The following FSBP variants were observed in gnomAD, a reference collection of about 807,000 sequenced individuals.
FSBP encodes the protein fibrinogen silencer-binding protein.
Under a neutral mutation model 24.6 loss-of-function variants are expected in FSBP, and 18 were observed. The observed-to-expected ratio is 0.73, with a 90% CI of 0.51 to 1.08. The LOEUF is 1.08. FSBP is among the 50% of genes least tolerant of loss of function. The pLI is 0.00. For missense variants in FSBP, 305 were observed against 347.6 expected (o/e 0.88, Z 0.98); for synonymous variants, 110 against 125.8 (o/e 0.87, Z 0.84).
At chr8:94,432,729 A>G (rs1196735081) in intron 1 of FSBP, 73 bp from the exon 2 acceptor site, 2 of 1,378,926 alleles carry the variant, frequency 1.5e-6, no homozygotes, top group African/African-American at 2.9e-5. Flanking sequence ...GCATAATTTT[A>G]ATTTAATGTA....
Position 94,432,213 on chromosome 8 carries a change from T to C in FSBP, c.818A>G (p.Glu273Gly). Residue 273 changes from glutamate to glycine, a missense_variant, in exon 2 of 2, where the codon GAG becomes GGG. Glu to Gly is a moderately conservative substitution (Grantham distance 98, BLOSUM62 -2). Coordinates refer to ENST00000481490, the MANE Select transcript of FSBP (RefSeq NM_001256141.2). The part of the protein sequence containing the change: ...GLKRRQQLEE[E>G]LLRAKIEVEK... ...CACTTCAATTTTTGCTCTTAGTAGC[T>C]CTTCCTCTAGCTGCTGCCTTCTTTT... The C allele has an allele frequency of 6.4e-7, 1 of 1,550,412 alleles. No individual in the cohort carries two copies. Among genetic ancestry groups the C allele is most frequent in the Non-Finnish European group, 8.7e-7 (1 of 1,146,896 alleles).
Position 94,431,081 on chromosome 8 carries a change from G to A in FSBP, c.*1050C>T. The stretch of plus-strand genomic sequence containing the variant: ...AAAATCCCTTCTCAACAAAACCCCA[G>A]CAAAAATAGAAATTCTTAAGTAACA... On this transcript the variant is annotated 3_prime_UTR_variant, in exon 2 of 2. Transcript: ENST00000481490. 1 of 984,748 alleles carries A rather than the reference G, an allele frequency of 1.0e-6. No homozygotes were observed. The highest frequency in any genetic ancestry group is 1.2e-6 in the Non-Finnish European group (1 of 829,640). The allele number at this position is 984,748 out of a possible 1,614,324, so 61.0% of individuals were successfully genotyped here. A position where few individuals can be genotyped will look rare whatever the true frequency, so the allele number is the denominator to read the frequency against.
At position 94,432,391 on chromosome 8, in the gene FSBP, C is replaced by G. The variant is rs1812125136; in HGVS notation, c.640G>C (p.Asp214His). ...TSSPSSIPRRDDFFRHESGEH... is the reference protein window; with the variant it reads ...TSSPSSIPRRHDFFRHESGEH... ...CCACTCTCATGCCGAAAAAAATCATCTCTCCTTGGAATAGAAGATGGAGAC... is the reference window on the plus strand; with the variant it reads ...CCACTCTCATGCCGAAAAAAATCATGTCTCCTTGGAATAGAAGATGGAGAC... Residue 214 changes from aspartate (D) to histidine (H), a missense_variant, in exon 2 of 2, where the codon GAT (aspartate) becomes CAT (histidine). By Grantham distance (81) the Asp-to-His change is moderately conservative. Transcript: ENST00000481490. 6.5e-7 allele frequency: 1 copy of G among 1,550,286 alleles called. No individual in the cohort carries two copies. The highest frequency in any genetic ancestry group is 1.4e-5 in the African/African-American group (1 of 73,038).
rs967149591 is a variant in FSBP at position 94,436,433 on chromosome 8, A to T, written c.374+62T>A. On this transcript the variant is annotated intron_variant, in intron 1 of 1. Coordinates refer to ENST00000481490, the MANE Select transcript of FSBP (RefSeq NM_001256141.2). ...ACTATGCATATCTCTATCACGACTA[A>T]GCCAAAGCCCAATAGATAGGAGGCG... is the stretch of plus-strand genomic sequence containing the variant. 4.1e-6 allele frequency: 6 copies of T among 1,462,956 alleles called. No individual in the cohort carries two copies. In the African/African-American group the frequency reaches 5.7e-5, roughly 14 times the overall value. 90.6% of individuals were successfully genotyped at this position (1,462,956 alleles called of 1,614,324 possible).
intron 1 of FSBP, 45 bp downstream of exon 1, chr8:94,436,450 T>G: frequency 6.7e-7 from 1 of 1,484,706 alleles, no homozygotes; most frequent in East Asian, 2.5e-5. Flanking sequence ...GCCCAATAGA[T>G]AGGAGGCGCC....
At chr8:94,434,009 T>A (rs1812192554) in intron 1 of FSBP, among the ~76,000 whole-genome samples, 1 of 151,820 alleles carries the variant, frequency 6.6e-6, no homozygotes. Flanking sequence ...ATAAAAAATC[T>A]ATTTGTAGGT....
chr8:94,433,253 T>C (rs1235160640), intron 1 of FSBP, among the ~76,000 whole-genome samples: 1 of 152,128 alleles, frequency 6.6e-6, no homozygotes, highest in Non-Finnish European at 1.5e-5. Flanking sequence ...TTTCAGATGC[T>C]TTTATCTGAT....
Position 94,431,194 on chromosome 8 carries a change from T to C in FSBP, c.*937A>G, listed in dbSNP as rs968589539. The C allele has an allele frequency of 1.4e-5, 13 of 923,876 alleles. No homozygotes were observed. The highest frequency in any genetic ancestry group is 1.7e-5 in the Non-Finnish European group (13 of 774,132). 57.2% of individuals were successfully genotyped at this position (923,876 alleles called of 1,614,324 possible). A position where few individuals can be genotyped will look rare whatever the true frequency, so the allele number is the denominator to read the frequency against. On this transcript the variant is annotated 3_prime_UTR_variant, in exon 2 of 2. Coordinates refer to ENST00000481490, the MANE Select transcript of FSBP (RefSeq NM_001256141.2). ...ATGAATACTAAAATAACAATACTTA[T>C]AAAATACATAAAATTTTAATTTTGT...
rs765408486 is a variant in FSBP, at chr8:94,430,219, G to C, written c.*1912C>G. The C allele has an allele frequency of 2.9e-6, 2 of 701,332 alleles. No individual in the cohort carries two copies. Among genetic ancestry groups the C allele is most frequent in the Non-Finnish European group, 3.5e-6 (2 of 571,696 alleles). 43.4% of individuals were successfully genotyped at this position (701,332 alleles called of 1,614,324 possible). ...CCAGCTACTTGGGAAGCTGAAGCAG[G>C]AGAATCGCTTGAACCCAGGAAACGG... On this transcript the variant is annotated 3_prime_UTR_variant, in exon 2 of 2. Transcript: ENST00000481490.
chr8:94,429,593 A>T lies in FSBP; in HGVS notation c.*2538T>A. Reference sequence around the variant, plus strand: ...TCAATAATTTCAAAAAATAAAGCTTACTACTGCCAAGATGTGTTTACTAGA... The same window carrying T: ...TCAATAATTTCAAAAAATAAAGCTTTCTACTGCCAAGATGTGTTTACTAGA... On this transcript the variant is annotated 3_prime_UTR_variant, in exon 2 of 2. Coordinates refer to ENST00000481490, the MANE Select transcript of FSBP (RefSeq NM_001256141.2). 1 of 983,154 alleles carries T rather than the reference A, an allele frequency of 1.0e-6. No individual in the cohort carries two copies. Among genetic ancestry groups the T allele is most frequent in the Non-Finnish European group, 1.2e-6 (1 of 827,854 alleles). The allele number at this position is 983,154 out of a possible 1,614,324, so 60.9% of individuals were successfully genotyped here.
Position 94,432,197 on chromosome 8 carries a change from T to A in FSBP, c.834A>T (p.Lys278Asn). 1 of 1,550,326 alleles carries A rather than the reference T, an allele frequency of 6.5e-7. No homozygotes were observed. Among genetic ancestry groups the A allele is most frequent in the Non-Finnish European group, 8.7e-7 (1 of 1,146,866 alleles). Residue 278 changes from lysine (K) to asparagine (N), a missense_variant, in exon 2 of 2, where the codon AAA becomes AAT. By Grantham distance (94) the Lys-to-Asn change is moderately conservative (BLOSUM62 0). Transcript: ENST00000481490. Reference sequence around the variant, plus strand: ...TTGCTTTCAGCTTCTCCACTTCAATTTTTGCTCTTAGTAGCTCTTCCTCTA... The same window carrying A: ...TTGCTTTCAGCTTCTCCACTTCAATATTTGCTCTTAGTAGCTCTTCCTCTA... ...QQLEEELLRA[K>N]IEVEKLKAIR...
chr8:94,428,237 C>A lies in FSBP; in HGVS notation c.*3894G>T, dbSNP rs1811993391. 1.1e-6 allele frequency: 1 copy of A among 918,874 alleles called. No individual in the cohort carries two copies. The highest frequency in any genetic ancestry group is 1.3e-6 in the Non-Finnish European group (1 of 769,494). The allele number at this position is 918,874 out of a possible 1,614,324, so 56.9% of individuals were successfully genotyped here. A position where few individuals can be genotyped will look rare whatever the true frequency, so the allele number is the denominator to read the frequency against. On this transcript the variant is annotated 3_prime_UTR_variant, in exon 2 of 2. Transcript: ENST00000481490. Reference sequence around the variant, plus strand: ...GTATATTTCTACAGAATCAAGTCTACATTTAAAAAACAAAATCACTCTTCT... The same window carrying A: ...GTATATTTCTACAGAATCAAGTCTAAATTTAAAAAACAAAATCACTCTTCT...
At chr8:94,434,465 T>TAA (rs1308262055) in intron 1 of FSBP, among the ~76,000 whole-genome samples, 3 of 151,850 alleles carry the variant, frequency 2.0e-5, no homozygotes, top group Non-Finnish European at 4.4e-5. Context: ...GAGGTAAAAA[T>TAA]AAAGACATAA....
At position 94,436,773 on chromosome 8, in the gene FSBP, G is replaced by A; in HGVS notation, c.96C>T (p.His32=). 1 of 1,550,362 alleles carries A rather than the reference G, an allele frequency of 6.5e-7. No homozygotes were observed. The highest frequency in any genetic ancestry group is 8.7e-7 in the Non-Finnish European group (1 of 1,146,916). Residue 32 remains histidine, a synonymous_variant, in exon 1 of 2, where the codon CAC becomes CAT. Transcript: ENST00000481490. ...VKPYVKILEE[H]TNKHSVIVEK... ...CTACTATTACTGAATGTTTATTAGTGTGTTCTTCGAGAATTTTCACATATG... is the reference window on the plus strand; with the variant it reads ...CTACTATTACTGAATGTTTATTAGTATGTTCTTCGAGAATTTTCACATATG...
rs1812075440 is a variant in FSBP at position 94,430,898 on chromosome 8, C to T, written c.*1233G>A. ...CCCAAATTGACTCTCTCTACATTCA[C>T]TTAAAATCAATGGCTTAGCACTGCA... On this transcript the variant is annotated 3_prime_UTR_variant, in exon 2 of 2. Transcript: ENST00000481490. The T allele has an allele frequency of 1.0e-6, 1 of 985,296 alleles. No individual in the cohort carries two copies. Among genetic ancestry groups the T allele is most frequent in the African/African-American group, 1.7e-5 (1 of 57,236 alleles). 61.0% of individuals were successfully genotyped at this position (985,296 alleles called of 1,614,324 possible).
Position 94,436,583 on chromosome 8 carries a change from T to C in FSBP, c.286A>G (p.Asn96Asp), listed in dbSNP as rs1417950220. Residue 96 changes from asparagine to aspartate, a missense_variant, in exon 1 of 2, where the codon AAT (asparagine) becomes GAT (aspartate). By Grantham distance (23) the Asn-to-Asp change is conservative. Coordinates refer to ENST00000481490, the MANE Select transcript of FSBP (RefSeq NM_001256141.2). Reference sequence around the variant, plus strand: ...ACTTTCTTGGTTGGCTCAGAAATATTGCTTTTAAAATCTGATTGGGTCTCT... The same window carrying C: ...ACTTTCTTGGTTGGCTCAGAAATATCGCTTTTAAAATCTGATTGGGTCTCT... The part of the protein sequence containing the change: ...QKETQSDFKS[N>D]ISEPTKKVME... The C allele has an allele frequency of 4.5e-6, 7 of 1,550,394 alleles. No individual in the cohort carries two copies. In the East Asian group the frequency reaches 1.5e-4, roughly 32 times the overall value.
chr8:94,434,953 T>A (rs1020711651), intron 1 of FSBP, among the ~76,000 whole-genome samples: 11 of 151,716 alleles, frequency 7.3e-5, no homozygotes, highest in Non-Finnish European at 1.2e-4. Flanking sequence ...CAGATACTTG[T>A]ATATTTATAT....
chr8:94,436,071 G>A (rs1182300369), intron 1 of FSBP, among the ~76,000 whole-genome samples: 6 of 151,788 alleles, frequency 4.0e-5, no homozygotes, highest in Admixed American at 2.6e-4. Context: ...AAAAAGCAAG[G>A]TTCCATTTCT....
Position 94,432,285 on chromosome 8 carries a change from T to C in FSBP, c.746A>G (p.Asn249Ser). 1 of 1,550,358 alleles carries C rather than the reference T, an allele frequency of 6.5e-7. No homozygotes were observed. ...AACATACAATCCAAAATTTTTTTGA[T>C]TTTCTAAAATTATCTGATGCTCCTC... ...LKEEHQIILE[N>S]QKNFGLYVQE... Residue 249 changes from asparagine (N) to serine (S), a missense_variant, in exon 2 of 2, where the codon AAT (asparagine) becomes AGT (serine). Asn to Ser is a conservative substitution (Grantham distance 46). Coordinates refer to ENST00000481490, the MANE Select transcript of FSBP (RefSeq NM_001256141.2).
Sources: gnomAD v4.1 joint callset for allele counts (sites outside exome capture counted in the v4.1 genomes callset) on GRCh38, gnomAD v4.1.1 for gene constraint, MANE v1.5 for transcripts, NCBI Gene and HGNC (gene_info 2026-07-23, HGNC 2026-07-21) for gene names.